Variants in CNTNAP5 observed in about 807,000 individuals in gnomAD.
CNTNAP5 encodes the protein contactin-associated protein-like 5.
Under a neutral mutation model 150.2 loss-of-function variants are expected in CNTNAP5, and 72 were observed. The ratio of observed to expected loss-of-function variants is 0.48; its 90% CI spans 0.40 to 0.58. CNTNAP5 has a LOEUF of 0.58. Ranked by LOEUF, CNTNAP5 falls within the 20% of genes least tolerant of loss-of-function variation. CNTNAP5 has a pLI of 0.00. For missense variants in CNTNAP5, 1,636 were observed against 1,626.2 expected (o/e 1.01, Z -0.10); for synonymous variants, 672 against 619.8 (o/e 1.08, Z -1.25).
intron 12 of CNTNAP5, among the ~76,000 whole-genome samples, chr2:124,631,519 T>C (rs1378541481): frequency 6.6e-6 from 1 of 152,098 alleles, no homozygotes; most frequent in Non-Finnish European, 1.5e-5. Context: ...TGGCTAGCCA[T>C]ATGCAGAAAA....
At chr2:124,529,850 G>A (rs1695064067) in intron 10 of CNTNAP5, among the ~76,000 whole-genome samples, 1 of 152,056 alleles carries the variant, frequency 6.6e-6, no homozygotes. Context: ...AGAGAACCAG[G>A]CCTCCATTTG....
intron 6 of CNTNAP5, among the ~76,000 whole-genome samples, chr2:124,469,966 G>C (rs7587035): frequency 3.3e-5 from 5 of 151,938 alleles, no homozygotes; most frequent in Admixed American, 3.3e-4. Context: ...TTCTTTATCC[G>C]GTCTATCATT....
At chr2:124,892,840 T>G (rs551358710) in intron 21 of CNTNAP5, among the ~76,000 whole-genome samples, 1 of 152,212 alleles carries the variant, frequency 6.6e-6, no homozygotes, top group East Asian at 1.9e-4. Context: ...CAGAAATATG[T>G]TTTTTCTTTG....
At chr2:124,778,804 T>C (rs1681381800) in intron 17 of CNTNAP5, among the ~76,000 whole-genome samples, 1 of 151,872 alleles carries the variant, frequency 6.6e-6, no homozygotes, top group African/African-American at 2.4e-5. Flanking sequence ...CCGACTCACA[T>C]TCTGCTTAAA....
chr2:124,550,733 T>A (rs904804076), intron 10 of CNTNAP5, among the ~76,000 whole-genome samples: 7 of 152,078 alleles, frequency 4.6e-5, no homozygotes, highest in Admixed American at 1.3e-4. Context: ...CTGAGATAAA[T>A]GGGTTGATTA....
At chr2:124,081,394 T>C (rs1053540460) in intron 1 of CNTNAP5, among the ~76,000 whole-genome samples, 1 of 152,206 alleles carries the variant, frequency 6.6e-6, no homozygotes, top group African/African-American at 2.4e-5. Context: ...CCTTAACTGT[T>C]TCTTATGTGA....
chr2:124,835,063 G>C (rs142888400), intron 19 of CNTNAP5, among the ~76,000 whole-genome samples: 1 of 151,632 alleles, frequency 6.6e-6, no homozygotes, highest in African/African-American at 2.4e-5. Context: ...CTTAAAACAG[G>C]GATCATAATT....
intron 3 of CNTNAP5, among the ~76,000 whole-genome samples, chr2:124,255,591 T>TG (rs1687293464): frequency 1.4e-5 from 1 of 70,398 alleles, no homozygotes; most frequent in African/African-American, 6.3e-5. Context: ...AAATAATAAT[T>TG]TTTTTTTAAA....
intron 3 of CNTNAP5, among the ~76,000 whole-genome samples, chr2:124,395,378 A>G (rs965594533): frequency 6.6e-6 from 1 of 152,142 alleles, no homozygotes; most frequent in Admixed American, 6.5e-5. Flanking sequence ...CAACTTACTG[A>G]CTTGTAGTTC....
chr2:124,600,761 GAGAGAGAA>G (rs201260298), intron 11 of CNTNAP5, among the ~76,000 whole-genome samples: 21,800 of 115,154 alleles, frequency 0.19, 1,958 homozygotes, highest in East Asian at 0.58. Context: ...GAGAGAGAGA[GAGAGAGAA>G]AGAGAGAGAA....
chr2:124,600,500 C>T (rs1489225864), intron 11 of CNTNAP5, among the ~76,000 whole-genome samples: 1 of 152,094 alleles, frequency 6.6e-6, no homozygotes, highest in Admixed American at 6.5e-5. Context: ...CTTCATTGAC[C>T]TTACACACAT....
intron 12 of CNTNAP5, among the ~76,000 whole-genome samples, chr2:124,634,470 T>C (rs1160753852): frequency 6.6e-6 from 1 of 152,126 alleles, no homozygotes; most frequent in Non-Finnish European, 1.5e-5. Flanking sequence ...TTTTTATATA[T>C]GATGCACACA....
chr2:124,510,422 TGACA>T (rs1694549958), intron 8 of CNTNAP5, among the ~76,000 whole-genome samples: 2 of 120,308 alleles, frequency 1.7e-5, no homozygotes, highest in African/African-American at 6.4e-5. Context: ...CCAGCCTAGG[TGACA>T]GAGCAAGACT....
chr2:124,505,608 A>G (rs1024916167), intron 8 of CNTNAP5, among the ~76,000 whole-genome samples: 1 of 152,184 alleles, frequency 6.6e-6, no homozygotes, highest in African/African-American at 2.4e-5. Context: ...ACTGCCTAGC[A>G]ATACACAGCA....
chr2:124,192,927 A>G (rs1482855753), intron 1 of CNTNAP5, among the ~76,000 whole-genome samples: 1 of 152,202 alleles, frequency 6.6e-6, no homozygotes, highest in Non-Finnish European at 1.5e-5. Context: ...TGAATGCTAG[A>G]ATTTCAAAAT....
intron 1 of CNTNAP5, among the ~76,000 whole-genome samples, chr2:124,030,200 T>C (rs1482307777): frequency 6.6e-6 from 1 of 152,128 alleles, no homozygotes; most frequent in Non-Finnish European, 1.5e-5. Flanking sequence ...GTCATTTTAT[T>C]TGGATATTTC....
intron 13 of CNTNAP5, among the ~76,000 whole-genome samples, chr2:124,681,457 G>A (rs777422824): frequency 7.9e-5 from 12 of 152,096 alleles, no homozygotes; most frequent in Non-Finnish European, 1.3e-4. Context: ...TTGTTGTTGC[G>A]TGTTCATGTA....
chr2:124,685,620 G>T (rs990403250), intron 13 of CNTNAP5, among the ~76,000 whole-genome samples: 2 of 151,990 alleles, frequency 1.3e-5, no homozygotes, highest in Non-Finnish European at 2.9e-5. Flanking sequence ...AAATTGTACT[G>T]CTTATAACTG....
In CNTNAP5 at chr2:124,342,607, C is replaced by T. The variant is rs116368368; in HGVS notation, c.382-74836C>T. Among the ~76,000 whole-genome samples, 233 of 152,094 alleles carry T rather than the reference C, an allele frequency of 1.5e-3. 1 individual carries two copies. Among genetic ancestry groups the T allele is most frequent in the African/African-American group, 5.2e-3 (215 of 41,494 alleles). Reference sequence around the variant, plus strand: ...TGCCTTATTAGAAGAAGAATAAATTCGTATTGAACTTAGGTAACTACATTG... The same window carrying T: ...TGCCTTATTAGAAGAAGAATAAATTTGTATTGAACTTAGGTAACTACATTG... On this transcript the variant is annotated intron_variant, in intron 3 of 23. Transcript: ENST00000682447.
Sources: allele counts gnomAD v4.1 joint callset (sites outside exome capture counted in the v4.1 genomes callset), GRCh38; gene constraint gnomAD v4.1.1; transcripts MANE v1.5; gene names NCBI Gene and HGNC (gene_info 2026-07-23, HGNC 2026-07-21).